The following NLRP7 variants were observed in gnomAD, a reference collection of about 807,000 sequenced individuals.
The protein encoded by NLRP7 is NACHT, LRR and PYD domains-containing protein 7.
A neutral mutation model predicts 85.5 loss-of-function variants in NLRP7; 72 were observed. The ratio of observed to expected loss-of-function variants is 0.84; its 90% CI spans 0.70 to 1.02. The LOEUF is 1.02. Ranked by LOEUF, NLRP7 falls within the 50% of genes least tolerant of loss-of-function variation. The pLI is 0.00. For missense variants in NLRP7, 1,243 were observed against 1,219.5 expected, an observed-to-expected ratio of 1.02 and a Z score of -0.29; for synonymous variants, 550 against 505.2, an observed-to-expected ratio of 1.09 and a Z score of -1.19.
rs189367705 is a variant in NLRP7 at position 54,945,743 on chromosome 19, C to T, written c.-40+1726G>A. Among the ~76,000 whole-genome samples, 10 of 151,980 alleles carry T rather than the reference C, an allele frequency of 6.6e-5. No individual in the cohort carries two copies. In the East Asian group the frequency reaches 1.5e-3, roughly 24 times the overall value. On this transcript the variant is annotated intron_variant, in intron 1 of 9. Transcript: ENST00000340844. ...CCTCTCAAGAAGCTGGGATTACAGG[C>T]GCACCGCATCACGCCGGGCTAGTTT...
upstream of NLRP7, among the ~76,000 whole-genome samples, chr19:54,948,344 A>G (rs1271623064): frequency 1.3e-5 from 2 of 152,090 alleles, no homozygotes; most frequent in African/African-American, 4.8e-5. Context: ...CGATCACGCC[A>G]TTGCACTCCA....
chr19:54,947,776 G>C, upstream of NLRP7: 6 of 611,050 alleles, frequency 9.8e-6, no homozygotes, highest in Non-Finnish European at 1.3e-5. Flanking sequence ...ACCCGGGCCA[G>C]GTGTGATAGG....
intron 1 of NLRP7, among the ~76,000 whole-genome samples, chr19:54,960,249 G>A (rs1402534491): frequency 1.3e-5 from 2 of 151,748 alleles, no homozygotes; most frequent in East Asian, 1.9e-4. Context: ...TCTGCTTCCC[G>A]GGTTCAAGCA....
At chr19:54,937,501 G>A (rs2068985015) in intron 5 of NLRP7, among the ~76,000 whole-genome samples, 2 of 151,808 alleles carry the variant, frequency 1.3e-5, no homozygotes, top group Admixed American at 1.3e-4. Context: ...AGACAAGCCT[G>A]GCCAAGATGG....
At chr19:54,940,014 T>C in exon 4 of NLRP7, 1 of 1,614,168 alleles carries the variant, frequency 6.2e-7, no homozygotes, top group Non-Finnish European at 8.5e-7. Context: ...TCCCCGCAGA[T>C]GTCCTGGATC....
chr19:54,930,111 G>A (rs1357901940), intron 9 of NLRP7, among the ~76,000 whole-genome samples: 5 of 88,950 alleles, frequency 5.6e-5, no homozygotes, highest in Non-Finnish European at 1.1e-4. Context: ...ACGAGGCTCC[G>A]TCTCAAAAAA....
chr19:54,928,958 T>C (rs1321657007), intron 9 of NLRP7, among the ~76,000 whole-genome samples: 1 of 152,014 alleles, frequency 6.6e-6, no homozygotes, highest in Non-Finnish European at 1.5e-5. Context: ...ATAGCTGAGA[T>C]TACAGGAACA....
chr19:54,929,696 T>C (rs1182099985), intron 9 of NLRP7, among the ~76,000 whole-genome samples: 2 of 152,130 alleles, frequency 1.3e-5, no homozygotes, highest in Non-Finnish European at 2.9e-5. Flanking sequence ...GGGGCCATTG[T>C]TATATATATT....
In NLRP7 at chr19:54,942,542, G is replaced by A. The variant is rs143652352; in HGVS notation, c.-39-792C>T. Among the ~76,000 whole-genome samples the A allele has an allele frequency of 4.2e-3, 627 of 148,830 alleles. 4 individuals are homozygous for A. Among genetic ancestry groups the A allele is most frequent in the Middle Eastern group, 0.024 (7 of 286 alleles). On this transcript the variant is annotated intron_variant, in intron 1 of 9. Coordinates refer to ENST00000340844, the Ensembl canonical transcript of NLRP7. ...AGCTCAAGACCAGCCTGACCAACAC[G>A]GCGAAACCCCATCTCTACTAAAAAT...
chr19:54,945,100 G>A lies in NLRP7; in HGVS notation c.-40+2369C>T, dbSNP rs951390202. ...TAAAAATACAAAAAAAAAATTAGCC[G>A]GGCATGGTGGCGGGCGCCTGTAGTC... On this transcript the variant is annotated intron_variant, in intron 1 of 9. Coordinates refer to ENST00000340844, the Ensembl canonical transcript of NLRP7. 4.6e-5 allele frequency among the ~76,000 whole-genome samples: 7 copies of A among 151,570 alleles called. No homozygotes were observed. In the South Asian group the frequency reaches 1.0e-3, roughly 23 times the overall value.
intron 9 of NLRP7, among the ~76,000 whole-genome samples, chr19:54,930,190 G>T (rs535188389): frequency 6.6e-6 from 1 of 151,624 alleles, no homozygotes; most frequent in Admixed American, 6.6e-5. Flanking sequence ...AATGAGGCCA[G>T]GCATGATGGC....
At chr19:54,951,744 A>G (rs113145757), upstream of NLRP7, among the ~76,000 whole-genome samples, 974 of 151,682 alleles carry the variant, frequency 6.4e-3, 15 homozygotes, top group African/African-American at 0.022. Flanking sequence ...CAGCAGGGTC[A>G]TTAGACGAAT....
chr19:54,947,772 G>T, upstream of NLRP7: 2 of 664,590 alleles, frequency 3.0e-6, no homozygotes, highest in South Asian at 1.5e-5. Flanking sequence ...GACCACCCGG[G>T]CCAGGTGTGA....
chr19:54,928,951 G>C (rs546595002), intron 9 of NLRP7, among the ~76,000 whole-genome samples: 1 of 152,140 alleles, frequency 6.6e-6, no homozygotes, highest in South Asian at 2.1e-4. Context: ...TACAGTCATA[G>C]CTGAGATTAC....
chr19:54,958,163 C>T lies in NLRP7; in HGVS notation c.-77+7877G>A, dbSNP rs771847912. ...TGGGATTTTCTCCCTGAGGCACTTG[C>T]TATCTCCAGGATTATGGGTCTCAGG... On this transcript the variant is annotated intron_variant, in intron 1 of 2. Transcript: ENST00000587103. 2.1e-4 allele frequency among the ~76,000 whole-genome samples: 32 copies of T among 151,954 alleles called. No individual in the cohort carries two copies. In the Middle Eastern group the frequency reaches 0.014, roughly 65 times the overall value.
At chr19:54,957,667 T>C (rs1028708508) in intron 1 of NLRP7, among the ~76,000 whole-genome samples, 1 of 152,138 alleles carries the variant, frequency 6.6e-6, no homozygotes, top group Non-Finnish European at 1.5e-5. Context: ...TTTCTGTAGC[T>C]CAGGCAGCTA....
In NLRP7 at chr19:54,927,777, T is replaced by G. The variant is rs769969743; in HGVS notation, c.2810+2722A>C. 6 of 1,613,626 alleles carry G rather than the reference T, an allele frequency of 3.7e-6. No homozygotes were observed. Among genetic ancestry groups the G allele is most frequent in the Middle Eastern group, 1.6e-4 (1 of 6,078 alleles). ...GGCATGAGGGAGCAGCTCCAGAGGCTGTTGAGGAAGAACATGGAAATCCAC... is the reference window on the plus strand; with the variant it reads ...GGCATGAGGGAGCAGCTCCAGAGGCGGTTGAGGAAGAACATGGAAATCCAC... On this transcript the variant is annotated intron_variant, in intron 9 of 9. Coordinates refer to ENST00000340844, the Ensembl canonical transcript of NLRP7.
intron 5 of NLRP7, among the ~76,000 whole-genome samples, chr19:54,937,594 AAAAAAT>A (rs774318767): frequency 4.7e-4 from 71 of 151,222 alleles, no homozygotes; most frequent in Non-Finnish European, 7.8e-4. Context: ...TCTGTCTCAG[AAAAAAT>A]AAAAAATAAA....
intron 1 of NLRP7, among the ~76,000 whole-genome samples, chr19:54,960,557 A>C (rs2070006680): frequency 1.2e-5 from 1 of 85,326 alleles, no homozygotes; most frequent in East Asian, 3.1e-4. Flanking sequence ...AATAGAACAA[A>C]AGTTAGAAGA....
Sources: allele counts gnomAD v4.1 joint callset (sites outside exome capture counted in the v4.1 genomes callset), GRCh38; gene constraint gnomAD v4.1.1; transcripts MANE v1.5; gene names NCBI Gene and HGNC (gene_info 2026-07-23, HGNC 2026-07-21).